ABR: variants seen among roughly 807,000 people sequenced by gnomAD.
The protein encoded by ABR is ABR activator of RhoGEF and GTPase, also known as active breakpoint cluster region-related protein.
In ABR, 35 loss-of-function variants were observed where a neutral mutation model predicts 107.2. That is an observed-to-expected ratio of 0.33 (90% CI 0.25 to 0.43). ABR has a LOEUF of 0.43. ABR is among the 20% of genes least tolerant of loss of function. ABR has a pLI of 1.00. For missense variants in ABR, 815 were observed against 1,115.2 expected (o/e 0.73, Z 3.83); for synonymous variants, 498 against 462.0 (o/e 1.08, Z -1.00).
Position 1,148,959 on chromosome 17 carries a change from T to G in ABR, c.62-23592A>C, listed in dbSNP as rs989447847. 1.3e-5 allele frequency among the ~76,000 whole-genome samples: 2 copies of G among 151,868 alleles called. No individual in the cohort carries two copies. Among genetic ancestry groups the G allele is most frequent in the East Asian group, 3.9e-4 (2 of 5,180 alleles). On this transcript the variant is annotated intron_variant, in intron 1 of 22. Transcript: ENST00000302538. The surrounding 1 kb of genome is among the most constrained non-coding windows in gnomAD (Gnocchi z 4.9). ...CTCTGTCACCCAGGCTGGAGTGCAG[T>G]GGCGCCATCTCGGCTCACTGCAAGC... is the stretch of plus-strand genomic sequence containing the variant.
intron 2 of ABR, among the ~76,000 whole-genome samples, chr17:1,124,582 C>G (rs558545076): frequency 2.0e-5 from 3 of 152,392 alleles, no homozygotes; most frequent in Admixed American, 6.5e-5. Context: ...TCCACAGTTT[C>G]TATCCCTGGC....
intron 16 of ABR, among the ~76,000 whole-genome samples, chr17:1,014,420 G>A (rs923864474): frequency 3.3e-5 from 5 of 149,956 alleles, no homozygotes; most frequent in Non-Finnish European, 5.9e-5. Flanking sequence ...CAGCCTGGGC[G>A]ACAGAGCGAG....
intron 16 of ABR, 91 bp downstream of exon 16, chr17:1,049,959 C>A: frequency 6.7e-7 from 1 of 1,498,770 alleles, no homozygotes; most frequent in Non-Finnish European, 8.9e-7. Context: ...ACCAAAATCA[C>A]GAAAGAGCAG....
intron 1 of ABR, among the ~76,000 whole-genome samples, chr17:1,146,010 G>C (rs1048660504): frequency 1.3e-5 from 2 of 152,160 alleles, no homozygotes; most frequent in African/African-American, 4.8e-5. Context: ...CTGTCACAGA[G>C]TGCCTCAAAA....
chr17:1,204,294 C>T (rs1472407253), intron 1 of ABR, among the ~76,000 whole-genome samples: 3 of 152,080 alleles, frequency 2.0e-5, no homozygotes, highest in Non-Finnish European at 4.4e-5. Flanking sequence ...AAATACAAAA[C>T]ATTATCCGGG....
chr17:1,035,844 C>T lies in ABR; in HGVS notation c.1791+14206G>A, dbSNP rs560434318. 1.1e-4 allele frequency among the ~76,000 whole-genome samples: 17 copies of T among 150,522 alleles called. No individual in the cohort carries two copies. In the South Asian group the frequency reaches 3.6e-3, roughly 32 times the overall value. On this transcript the variant is annotated intron_variant, in intron 16 of 22. Transcript: ENST00000302538. ...GTCCCCGGGGAGACGTGGGTGGGAC[C>T]CCGCATTACACCTAGGGAGGGGGTC... is the stretch of plus-strand genomic sequence containing the variant.
intron 1 of ABR, among the ~76,000 whole-genome samples, chr17:1,203,976 G>A (rs1008542467): frequency 6.6e-5 from 10 of 152,200 alleles, no homozygotes; most frequent in Admixed American, 3.3e-4. Context: ...CGGCTTCACG[G>A]GGGAAATCCC....
chr17:1,073,813 G>T, intron 6 of ABR, 136 bp from the exon 7 acceptor site: 1 of 698,600 alleles, frequency 1.4e-6, no homozygotes, highest in Non-Finnish European at 2.3e-6. Flanking sequence ...GTGAGCCCAC[G>T]GCAGCCCCCA....
At chr17:1,160,232 C>T (rs892965676) in intron 1 of ABR, among the ~76,000 whole-genome samples, 9 of 151,436 alleles carry the variant, frequency 5.9e-5, no homozygotes, top group African/African-American at 1.5e-4. Context: ...CCAGCCTAGG[C>T]GACAGAGCAA....
chr17:1,057,827 C>T (rs2033510483), intron 12 of ABR, 143 bp downstream of exon 12: 2 of 692,236 alleles, frequency 2.9e-6, no homozygotes, highest in Non-Finnish European at 5.1e-6. Context: ...TAATCCGTAA[C>T]ATCCTTAAAC....
In ABR at chr17:1,071,801, C is replaced by T. The variant is rs1464577515; in HGVS notation, c.894+813G>A. ...AGGCCACTTCCCCGGCGTGGGCCTC[C>T]AGACAGTCCCAGGTGAGGAATCCAG... On this transcript the variant is annotated intron_variant, in intron 8 of 22. Coordinates refer to ENST00000302538, the MANE Select transcript of ABR (RefSeq NM_021962.5). This position sits in a 1 kb window ranked among gnomAD's most constrained non-coding sequence, Gnocchi z 5.1. Among the ~76,000 whole-genome samples, 4 of 152,268 alleles carry T rather than the reference C, an allele frequency of 2.6e-5. No individual in the cohort carries two copies. The highest frequency in any genetic ancestry group is 5.9e-5 in the Non-Finnish European group (4 of 68,042).
At chr17:1,135,659 G>A (rs1463308388) in intron 1 of ABR, among the ~76,000 whole-genome samples, 3 of 152,036 alleles carry the variant, frequency 2.0e-5, no homozygotes, top group Admixed American at 6.6e-5. Flanking sequence ...GCAGATCACC[G>A]GAGGTCAGGA....
intron 1 of ABR, among the ~76,000 whole-genome samples, chr17:1,130,609 C>G (rs12951410): frequency 4.6e-5 from 7 of 152,134 alleles, no homozygotes; most frequent in Non-Finnish European, 8.8e-5. Flanking sequence ...GTGGCCCCCC[C>G]ACAAGGTATG....
Position 1,010,054 on chromosome 17 carries a change from G to T in ABR, c.2237-270C>A. 1 of 558,590 alleles carries T rather than the reference G, an allele frequency of 1.8e-6. No homozygotes were observed. The highest frequency in any genetic ancestry group is 3.2e-6 in the Non-Finnish European group (1 of 310,900). The allele number at this position is 558,590 out of a possible 1,614,324, so 34.6% of individuals were successfully genotyped here. On this transcript the variant is annotated intron_variant, in intron 20 of 22. Coordinates refer to ENST00000302538, the MANE Select transcript of ABR (RefSeq NM_021962.5). This position sits in a 1 kb window ranked among gnomAD's most constrained non-coding sequence, Gnocchi z 4.1. ...GCTGACTGCATAGGCCTTGGGTGCTGGGGCATCCCCTGTCTCGTAACAGGA... is the reference window on the plus strand; with the variant it reads ...GCTGACTGCATAGGCCTTGGGTGCTTGGGCATCCCCTGTCTCGTAACAGGA...
chr17:1,188,974 G>C (rs761197995), upstream of ABR, among the ~76,000 whole-genome samples: 1 of 152,128 alleles, frequency 6.6e-6, no homozygotes, highest in Non-Finnish European at 1.5e-5. Flanking sequence ...AAGCACTTTC[G>C]GGTTCTGATC....
intron 1 of ABR, 95 bp from the exon 2 acceptor site, chr17:1,125,462 C>T (rs1158241122): frequency 2.0e-6 from 3 of 1,470,776 alleles, no homozygotes; most frequent in Non-Finnish European, 2.8e-6. Flanking sequence ...CCCCGGCAGC[C>T]ATGGCCCCGG....
At chr17:1,125,514 G>C (rs1012312112) in intron 1 of ABR, 147 bp from the exon 2 acceptor site, 5 of 695,544 alleles carry the variant, frequency 7.2e-6, no homozygotes, top group Non-Finnish European at 1.1e-5. Flanking sequence ...CTGTGCGGGG[G>C]CCTGGGCCTG....
chr17:1,072,495 C>T, intron 8 of ABR, 119 bp downstream of exon 8: 1 of 474,406 alleles, frequency 2.1e-6, no homozygotes, highest in Non-Finnish European at 3.6e-6. Flanking sequence ...GACGAGGGAC[C>T]TGCCGCCCGT....
chr17:1,173,282 CCACCCAACA>C, intron 1 of ABR, among the ~76,000 whole-genome samples: 1 of 137,690 alleles, frequency 7.3e-6, no homozygotes, highest in Admixed American at 7.1e-5. Flanking sequence ...TCACCTCAGC[CCACCCAACA>C]CATCACCTCA....
Sources: gnomAD v4.1 joint callset for allele counts (sites outside exome capture counted in the v4.1 genomes callset) on GRCh38, gnomAD v4.1.1 for gene constraint, Gnocchi (gnomAD v3.1) non-coding constraint, MANE v1.5 for transcripts, NCBI Gene and HGNC (gene_info 2026-07-23, HGNC 2026-07-21) for gene names.